Variants in SLC66A2 observed in about 807,000 individuals in gnomAD.
SLC66A2 encodes PQ loop repeat containing 1.
Under a neutral mutation model 25.5 loss-of-function variants are expected in SLC66A2, and 23 were observed. The observed-to-expected ratio is 0.90, with a 90% CI of 0.65 to 1.28. The LOEUF is 1.28. SLC66A2 is among the 50% of genes most tolerant of loss of function. SLC66A2 has a pLI of 0.00. For synonymous variants in SLC66A2, 193 were observed against 166.5 expected (o/e 1.16, Z -1.23); for missense variants, 396 against 373.1 (o/e 1.06, Z -0.51).
chr18:79,922,066 G>A (rs149977322), intron 4 of SLC66A2, among the ~76,000 whole-genome samples: 162 of 150,242 alleles, frequency 1.1e-3, no homozygotes, highest in Non-Finnish European at 1.6e-3. Context: ...GGAACTGAGC[G>A]AGGGGTCAAA....
intron 3 of SLC66A2, among the ~76,000 whole-genome samples, chr18:79,935,812 G>A (rs1485920452): frequency 6.6e-6 from 1 of 152,198 alleles, no homozygotes; most frequent in Admixed American, 6.5e-5. Flanking sequence ...GAGAGAGAGA[G>A]AGAGAAAAAG....
chr18:79,930,243 AG>A (rs1986429726), intron 4 of SLC66A2: 2 of 152,212 alleles, frequency 1.3e-5, no homozygotes, highest in Admixed American at 6.5e-5. Flanking sequence ...AACCCCAATA[AG>A]ATTAACAGCT....
chr18:79,932,527 G>T (rs1036654987), intron 4 of SLC66A2, among the ~76,000 whole-genome samples: 4 of 152,004 alleles, frequency 2.6e-5, no homozygotes, highest in African/African-American at 9.7e-5. Context: ...TAAAAAGTTG[G>T]TTATTTGACC....
Position 79,904,268 on chromosome 18 carries a change from G to T in SLC66A2, c.609-85C>A. 8.2e-7 allele frequency: 1 copy of T among 1,226,194 alleles called. No individual in the cohort carries two copies. The highest frequency in any genetic ancestry group is 1.2e-6 in the Non-Finnish European group (1 of 846,806). The allele number at this position is 1,226,194 out of a possible 1,614,324, so 76.0% of individuals were successfully genotyped here. ...TGGGGAGGCCTGGGGCTTAGACAGC[G>T]GGGAGACCTGGGGCTCAGGGGCACC... On this transcript the variant is annotated intron_variant, in intron 5 of 5. Coordinates refer to ENST00000397778, the MANE Select transcript of SLC66A2 (RefSeq NM_025078.5). This position sits in a 1 kb window ranked among gnomAD's most constrained non-coding sequence, Gnocchi z 6.3.
At chr18:79,906,682 C>T (rs949083722) in intron 5 of SLC66A2, among the ~76,000 whole-genome samples, 5 of 152,234 alleles carry the variant, frequency 3.3e-5, no homozygotes, top group African/African-American at 4.8e-5. Flanking sequence ...AGAATGCGCA[C>T]GTTCACTTGG....
chr18:79,930,551 T>C (rs1378607687), intron 4 of SLC66A2, among the ~76,000 whole-genome samples: 1 of 152,192 alleles, frequency 6.6e-6, no homozygotes, highest in East Asian at 1.9e-4. Flanking sequence ...TAAAAGATGA[T>C]ATCGGTCACA....
At chr18:79,929,479 C>T (rs1986345010) in intron 4 of SLC66A2, among the ~76,000 whole-genome samples, 1 of 152,310 alleles carries the variant, frequency 6.6e-6, no homozygotes, top group African/African-American at 2.4e-5. Context: ...TCTGTATCCA[C>T]AGCTGCTACT....
chr18:79,943,359 C>G lies in SLC66A2; in HGVS notation c.307G>C (p.Glu103Gln). The G allele has an allele frequency of 1.2e-6, 2 of 1,614,164 alleles. No individual in the cohort carries two copies. Among genetic ancestry groups the G allele is most frequent in the Non-Finnish European group, 1.7e-6 (2 of 1,180,024 alleles). ...KLCTEVRVAN[E>Q]LNARRRSFTA... ...AAGGAGCGGCGCCTGGCGTTGAGCT[C>G]GTTGGCCACACGGACCTCGGTGCAC... is the stretch of plus-strand genomic sequence containing the variant. Residue 103 changes from glutamate (E) to glutamine (Q), a missense_variant, in exon 3 of 6, where the codon GAG becomes CAG. Physicochemically the swap from Glu to Gln is conservative, Grantham distance 29 (BLOSUM62 2). Transcript: ENST00000397778.
chr18:79,912,290 A>G (rs1034997561), intron 5 of SLC66A2, among the ~76,000 whole-genome samples: 13 of 152,302 alleles, frequency 8.5e-5, no homozygotes, highest in African/African-American at 3.1e-4. Flanking sequence ...AAACTCGTTC[A>G]TGAGTGTCCA....
At chr18:79,905,015 T>C (rs1282781407) in intron 5 of SLC66A2, among the ~76,000 whole-genome samples, 3 of 152,174 alleles carry the variant, frequency 2.0e-5, no homozygotes, top group Admixed American at 6.5e-5. Context: ...CTGGGTGCCG[T>C]AGCCGCCCTG....
At chr18:79,949,859 G>C (rs55932397) in intron 2 of SLC66A2, 27 of 152,176 alleles carry the variant, frequency 1.8e-4, no homozygotes, top group African/African-American at 6.3e-4. Context: ...CCAGAAGAAA[G>C]AAAAATTTCA....
chr18:79,919,274 G>T lies in SLC66A2; in HGVS notation c.518C>A (p.Thr173Asn). ...LSIDSALFVETLGFLAVLTEA... is the reference protein window; with the variant it reads ...LSIDSALFVENLGFLAVLTEA... ...GGTCAGCACAGCCAGGAAGCCCAGG[G>T]TCTCCACAAACAGGGCGGAGTCAAT... Residue 173 changes from threonine (T) to asparagine (N), a missense_variant, in exon 5 of 6, where the codon ACC (threonine) becomes AAC (asparagine). Thr to Asn is a moderately conservative substitution (Grantham distance 65). Coordinates refer to ENST00000397778, the MANE Select transcript of SLC66A2 (RefSeq NM_025078.5). The T allele has an allele frequency of 6.2e-6, 10 of 1,613,328 alleles. No homozygotes were observed. Among genetic ancestry groups the T allele is most frequent in the Non-Finnish European group, 8.5e-6 (10 of 1,180,024 alleles).
At chr18:79,942,106 C>T (rs572189050) in intron 3 of SLC66A2, among the ~76,000 whole-genome samples, 11 of 152,292 alleles carry the variant, frequency 7.2e-5, no homozygotes, top group Admixed American at 4.6e-4. Flanking sequence ...AATGTAAAAC[C>T]GCAGCTCCTC....
Position 79,939,713 on chromosome 18 carries a change from T to TA in SLC66A2, c.337+3615dup, listed in dbSNP as rs201515512. ...TCATACCAGTCGGAATGGCTATTAA[T>TA]AAAAAAAAATAACAGATGCTGGTGG... On this transcript the variant is annotated intron_variant, in intron 3 of 5. Coordinates refer to ENST00000397778, the MANE Select transcript of SLC66A2 (RefSeq NM_025078.5). 3.3e-3 allele frequency among the ~76,000 whole-genome samples: 502 copies of TA among 150,942 alleles called. 1 individual carries two copies. Among genetic ancestry groups the TA allele is most frequent in the Non-Finnish European group, 4.4e-3 (295 of 67,684 alleles).
chr18:79,950,977 A>T lies in SLC66A2; in HGVS notation c.-51T>A, dbSNP rs1175789058. The T allele has an allele frequency of 7.2e-7, 1 of 1,385,616 alleles. No individual in the cohort carries two copies. The highest frequency in any genetic ancestry group is 3.0e-5 in the Admixed American group (1 of 33,378). The allele number at this position is 1,385,616 out of a possible 1,614,324, so 85.8% of individuals were successfully genotyped here. ...TCACGGGCTCCGCGCCCCGCGGGCCACCGGCCGCCTGCTCATCGCCGCTCC... is the reference window on the plus strand; with the variant it reads ...TCACGGGCTCCGCGCCCCGCGGGCCTCCGGCCGCCTGCTCATCGCCGCTCC... On this transcript the variant is annotated 5_prime_UTR_variant, in exon 2 of 6. Coordinates refer to ENST00000397778, the MANE Select transcript of SLC66A2 (RefSeq NM_025078.5).
chr18:79,911,705 C>A lies in SLC66A2; in HGVS notation c.608+7479G>T, dbSNP rs556786981. Among the ~76,000 whole-genome samples the A allele has an allele frequency of 5.9e-5, 9 of 152,318 alleles. No homozygotes were observed. The East Asian group carries it at 9.7e-4, about 16-fold the overall frequency. Reference sequence around the variant, plus strand: ...TGGAATCCCAGCCATCCCCCACCCCCCTAGCTACATCATTTAGAGGGCAGG... The same window carrying A: ...TGGAATCCCAGCCATCCCCCACCCCACTAGCTACATCATTTAGAGGGCAGG... On this transcript the variant is annotated intron_variant, in intron 5 of 5. Coordinates refer to ENST00000397778, the MANE Select transcript of SLC66A2 (RefSeq NM_025078.5).
intron 5 of SLC66A2, among the ~76,000 whole-genome samples, chr18:79,910,451 A>G (rs990042559): frequency 6.5e-5 from 6 of 92,700 alleles, no homozygotes; most frequent in Admixed American, 2.1e-4. Context: ...CACCCTCACC[A>G]TAGAGTCCCC....
In SLC66A2 at chr18:79,918,685, C is replaced by T. The variant is rs1023285058; in HGVS notation, c.608+499G>A. On this transcript the variant is annotated intron_variant, in intron 5 of 5. Transcript: ENST00000397778. This position sits in a 1 kb window ranked among gnomAD's most constrained non-coding sequence, Gnocchi z 4.0. ...CGTCCAGGCACGCACTGGTGCAGGG[C>T]GCCCAGGCATGGTCTGTGGTTCCGA... is the stretch of plus-strand genomic sequence containing the variant. Among the ~76,000 whole-genome samples the T allele has an allele frequency of 8.5e-5, 13 of 152,252 alleles. No homozygotes were observed. Among genetic ancestry groups the T allele is most frequent in the East Asian group, 1.9e-4 (1 of 5,194 alleles).
At position 79,950,970 on chromosome 18, in the gene SLC66A2, G is replaced by T; in HGVS notation, c.-44C>A. ...GAGGCTGTCACGGGCTCCGCGCCCC[G>T]CGGGCCACCGGCCGCCTGCTCATCG... is the stretch of plus-strand genomic sequence containing the variant. On this transcript the variant is annotated 5_prime_UTR_variant, in exon 2 of 6. Transcript: ENST00000397778. The T allele has an allele frequency of 1.4e-6, 2 of 1,417,014 alleles. No homozygotes were observed. Among genetic ancestry groups the T allele is most frequent in the Non-Finnish European group, 9.3e-7 (1 of 1,078,162 alleles). The allele number at this position is 1,417,014 out of a possible 1,614,324, so 87.8% of individuals were successfully genotyped here.
Sources: gnomAD v4.1 joint callset for allele counts (sites outside exome capture counted in the v4.1 genomes callset) on GRCh38, gnomAD v4.1.1 for gene constraint, Gnocchi (gnomAD v3.1) non-coding constraint, MANE v1.5 for transcripts, NCBI Gene and HGNC (gene_info 2026-07-23, HGNC 2026-07-21) for gene names.